The following RYR3 variants were observed in gnomAD, a reference collection of about 807,000 sequenced individuals.
RYR3 encodes the protein ryanodine receptor 3.
Under a neutral mutation model 584.3 loss-of-function variants are expected in RYR3, and 207 were observed. That is an observed-to-expected ratio of 0.35 (90% CI 0.32 to 0.40). RYR3 has a LOEUF of 0.40. Ranked by LOEUF, RYR3 falls within the 10% of genes least tolerant of loss-of-function variation. The pLI, the probability that RYR3 is intolerant of heterozygous loss-of-function variation, is 1.00. For missense variants in RYR3, 5,616 were observed against 6,089.2 expected (o/e 0.92, Z 2.59); for synonymous variants, 2,416 against 2,248.5 (o/e 1.07, Z -2.11).
At chr15:33,382,823 G>GAACAACTTACATTTCATGAAGTTGT (rs1216027318) in intron 1 of RYR3, among the ~76,000 whole-genome samples, 4 of 152,254 alleles carry the variant, frequency 2.6e-5, no homozygotes, top group African/African-American at 9.6e-5. Flanking sequence ...CTGGGGGCAT[G>GAACAACTTACATTTCATGAAGTTGT]GGGTGAGTGA....
At chr15:33,578,136 G>C (rs190251089) in intron 12 of RYR3, among the ~76,000 whole-genome samples, 3 of 152,264 alleles carry the variant, frequency 2.0e-5, no homozygotes, top group Admixed American at 2.0e-4. Context: ...TGGAGAAATA[G>C]GAATGCTTTT....
chr15:33,651,942 C>T (rs1009472587), intron 31 of RYR3, among the ~76,000 whole-genome samples: 1 of 152,214 alleles, frequency 6.6e-6, no homozygotes, highest in African/African-American at 2.4e-5. Context: ...TCTGCCACTG[C>T]ACATCTCCAC....
At chr15:33,714,385 G>T (rs562153971) in intron 43 of RYR3, among the ~76,000 whole-genome samples, 1 of 152,166 alleles carries the variant, frequency 6.6e-6, no homozygotes, top group South Asian at 2.1e-4. Context: ...TTGTCTTTAA[G>T]AAAATGTTTT....
At chr15:33,553,535 G>T (rs1213731898) in intron 10 of RYR3, among the ~76,000 whole-genome samples, 1 of 152,152 alleles carries the variant, frequency 6.6e-6, no homozygotes, top group African/African-American at 2.4e-5. Context: ...TATTGGCCGG[G>T]CCTGGCTCAA....
chr15:33,583,629 A>G (rs1193176002), intron 14 of RYR3, among the ~76,000 whole-genome samples: 1 of 152,204 alleles, frequency 6.6e-6, no homozygotes, highest in African/African-American at 2.4e-5. Context: ...TTTTCTAAGT[A>G]TAGAAAGAGG....
chr15:33,719,941 C>T (rs1019463442), intron 43 of RYR3, among the ~76,000 whole-genome samples: 9 of 152,150 alleles, frequency 5.9e-5, no homozygotes, highest in Non-Finnish European at 1.5e-5. Flanking sequence ...CTTTTAGTAT[C>T]TCCTGAGAAT....
chr15:33,805,469 C>CT (rs61113827), intron 69 of RYR3, among the ~76,000 whole-genome samples: 90 of 138,284 alleles, frequency 6.5e-4, no homozygotes, highest in Admixed American at 1.2e-3. Flanking sequence ...TTTTCTCTCT[C>CT]TTTTTTTTTT....
chr15:33,384,092 C>A (rs374087219), intron 1 of RYR3, among the ~76,000 whole-genome samples: 2 of 152,132 alleles, frequency 1.3e-5, no homozygotes, highest in Non-Finnish European at 2.9e-5. Context: ...ACTCTGCCCC[C>A]CTTTGATAGG....
At chr15:33,510,593 ATTT>A (rs10543732) in intron 3 of RYR3, among the ~76,000 whole-genome samples, 92 of 140,814 alleles carry the variant, frequency 6.5e-4, no homozygotes, top group African/African-American at 2.3e-3. Flanking sequence ...CATAATTTTA[ATTT>A]TTTTTTTTTT....
chr15:33,328,585 T>C (rs1226954435), intron 1 of RYR3, among the ~76,000 whole-genome samples: 1 of 152,238 alleles, frequency 6.6e-6, no homozygotes, highest in Non-Finnish European at 1.5e-5. Context: ...GAACATTACA[T>C]ATAAGCAATT....
chr15:33,313,815 T>G (rs1469385269), intron 1 of RYR3, among the ~76,000 whole-genome samples: 1 of 152,214 alleles, frequency 6.6e-6, no homozygotes, highest in African/African-American at 2.4e-5. Context: ...GCTTTTAACC[T>G]ATTTACAAAA....
chr15:33,854,230 C>G (rs2079406278), intron 96 of RYR3, among the ~76,000 whole-genome samples, 159 bp from the exon 97 acceptor site: 1 of 151,386 alleles, frequency 6.6e-6, no homozygotes, highest in African/African-American at 2.4e-5. Flanking sequence ...TGTGATTCAA[C>G]TGTTCTCTTG....
chr15:33,847,157 A>G (rs2078776161), intron 93 of RYR3: 1 of 152,184 alleles, frequency 6.6e-6, no homozygotes, highest in South Asian at 2.1e-4. Flanking sequence ...CACCTCCCAC[A>G]TCATCTGTGT....
At chr15:33,584,581 A>G (rs1014061493) in intron 15 of RYR3, 91 bp downstream of exon 15, 1 of 633,794 alleles carries the variant, frequency 1.6e-6, no homozygotes, top group African/African-American at 1.9e-5. Context: ...ATCTTTTCCA[A>G]TGGATTGCAA....
chr15:33,823,188 C>A, intron 81 of RYR3, 116 bp downstream of exon 81: 1 of 762,172 alleles, frequency 1.3e-6, no homozygotes, highest in Non-Finnish European at 2.1e-6. Flanking sequence ...AGAGAGGAAG[C>A]ACCTACTTAG....
chr15:33,794,224 T>TATATATA (rs373458166), intron 67 of RYR3, among the ~76,000 whole-genome samples: 61,924 of 110,858 alleles, frequency 0.56, 19,052 homozygotes, highest in East Asian at 0.96. Flanking sequence ...TATATATAAA[T>TATATATA]ATATATAAAT....
intron 1 of RYR3, among the ~76,000 whole-genome samples, chr15:33,388,737 A>G (rs769433774): frequency 3.9e-5 from 6 of 152,192 alleles, no homozygotes; most frequent in African/African-American, 9.6e-5. Flanking sequence ...TAGACAAAGC[A>G]TGGAAGACAG....
At chr15:33,788,648 T>C (rs2074894766) in intron 67 of RYR3, among the ~76,000 whole-genome samples, 190 bp downstream of exon 67, 1 of 152,184 alleles carries the variant, frequency 6.6e-6, no homozygotes, top group African/African-American at 2.4e-5. Context: ...CCTGGAGCAA[T>C]GATTCTGTAT....
intron 43 of RYR3, among the ~76,000 whole-genome samples, chr15:33,716,787 G>T (rs1365894259): frequency 1.1e-4 from 17 of 151,920 alleles, no homozygotes; most frequent in Non-Finnish European, 2.4e-4. Context: ...CTTAATATAC[G>T]TATGTGGATT....
Sources: allele counts gnomAD v4.1 joint callset (sites outside exome capture counted in the v4.1 genomes callset), GRCh38; gene constraint gnomAD v4.1.1; transcripts MANE v1.5; gene names NCBI Gene and HGNC (gene_info 2026-07-23, HGNC 2026-07-21).